The following CAPS2 variants were observed in gnomAD, a reference collection of about 807,000 sequenced individuals.
The protein encoded by CAPS2 is calcyphosin-2.
Under a neutral mutation model 86.5 loss-of-function variants are expected in CAPS2, and 98 were observed. That is an observed-to-expected ratio of 1.13 (90% CI 0.96 to 1.34). The LOEUF (loss-of-function observed/expected upper bound fraction) is 1.34, where lower values mean the gene tolerates loss of function less well. Ranked by LOEUF, CAPS2 falls within the 40% of genes most tolerant of loss-of-function variation. The pLI is 0.00. For synonymous variants in CAPS2, 210 were observed against 225.1 expected, an observed-to-expected ratio of 0.93 and a Z score of 0.60; for missense variants, 729 against 686.8, an observed-to-expected ratio of 1.06 and a Z score of -0.69.
rs2040614702 is a variant in CAPS2 at position 75,324,797 on chromosome 12, A to G, written c.131+442T>C. On this transcript the variant is annotated intron_variant, in intron 2 of 16. Coordinates refer to ENST00000393284, the Ensembl canonical transcript of CAPS2. ...AAATAACATGCAACATAAAACATAA[A>G]TTAATATACTCTAAACCAAAAATAA... 2.6e-5 allele frequency among the ~76,000 whole-genome samples: 4 copies of G among 152,096 alleles called. No homozygotes were observed. In the South Asian group the frequency reaches 8.3e-4, roughly 31 times the overall value.
chr12:75,378,772 A>C (rs536824672), intron 1 of CAPS2, among the ~76,000 whole-genome samples: 2 of 152,344 alleles, frequency 1.3e-5, no homozygotes, highest in Non-Finnish European at 2.9e-5. Flanking sequence ...TTACAGCAAC[A>C]TCTAGACTAG....
chr12:75,365,364 C>T (rs1292284146), intron 1 of CAPS2: 2 of 152,108 alleles, frequency 1.3e-5, no homozygotes, highest in Admixed American at 1.3e-4. Context: ...TTCATTAGAA[C>T]AGAAAAAGGA....
At chr12:75,295,601 T>C (rs1399963729) in intron 11 of CAPS2, among the ~76,000 whole-genome samples, 2 of 152,228 alleles carry the variant, frequency 1.3e-5, no homozygotes, top group Non-Finnish European at 2.9e-5. Context: ...ATTAAATACA[T>C]ATGTACTCAG....
At chr12:75,365,341 A>C (rs1434587497) in intron 1 of CAPS2, 2 of 152,318 alleles carry the variant, frequency 1.3e-5, no homozygotes, top group African/African-American at 2.4e-5. Context: ...GTTAGAACAG[A>C]AAAAGGAAAG....
chr12:75,291,824 C>T lies in CAPS2; in HGVS notation c.1164-4G>A, dbSNP rs774160887. The T allele has an allele frequency of 6.7e-7, 1 of 1,493,978 alleles. No individual in the cohort carries two copies. The highest frequency in any genetic ancestry group is 2.4e-5 in the East Asian group (1 of 42,342). 92.5% of individuals were successfully genotyped at this position (1,493,978 alleles called of 1,614,324 possible). A position where few individuals can be genotyped will look rare whatever the true frequency, so the allele number is the denominator to read the frequency against. On this transcript the variant is annotated splice_region_variant and splice_polypyrimidine_tract_variant and intron_variant, in intron 12 of 16. Coordinates refer to ENST00000393284, the Ensembl canonical transcript of CAPS2. ...CTCCTGTTCCATAGAAGCAGTTCTG[C>T]AATTGACATGTTCACAGGGATGAAA...
At chr12:75,375,557 C>A (rs539579502) in intron 1 of CAPS2, among the ~76,000 whole-genome samples, 8 of 152,242 alleles carry the variant, frequency 5.3e-5, no homozygotes, top group African/African-American at 9.6e-5. Context: ...AGGAGTTCTG[C>A]GTCTGAAAGT....
chr12:75,381,493 T>C (rs1306400217), intron 1 of CAPS2, among the ~76,000 whole-genome samples: 1 of 151,250 alleles, frequency 6.6e-6, no homozygotes, highest in Non-Finnish European at 1.5e-5. Context: ...AAAGAGTAGA[T>C]GCAGGATGAA....
intron 7 of CAPS2, among the ~76,000 whole-genome samples, chr12:75,312,548 T>C (rs2039340463): frequency 6.6e-6 from 1 of 152,196 alleles, no homozygotes; most frequent in Non-Finnish European, 1.5e-5. Flanking sequence ...AAAGTAAGGA[T>C]ATCTTCTTTC....
At chr12:75,294,626 T>G (rs556526999) in intron 11 of CAPS2, among the ~76,000 whole-genome samples, 1 of 152,222 alleles carries the variant, frequency 6.6e-6, no homozygotes, top group South Asian at 2.1e-4. Context: ...CCACCTCGGA[T>G]AAAGCCAATT....
At chr12:75,385,162 C>T (rs966884590) in intron 1 of CAPS2, among the ~76,000 whole-genome samples, 3 of 152,108 alleles carry the variant, frequency 2.0e-5, no homozygotes, top group Admixed American at 1.3e-4. Context: ...CCAAACGCAG[C>T]CCCTCAACCT....
chr12:75,334,668 T>C (rs2041586958), upstream of CAPS2: 1 of 1,561,528 alleles, frequency 6.4e-7, no homozygotes. Flanking sequence ...GGAAATCGGG[T>C]TGCCCCAGCC....
chr12:75,337,686 C>T (rs912953898), intron 1 of CAPS2, among the ~76,000 whole-genome samples: 7 of 151,836 alleles, frequency 4.6e-5, no homozygotes, highest in Non-Finnish European at 1.0e-4. Context: ...TTCATATATG[C>T]GTGCCATGTT....
At chr12:75,369,285 C>T (rs1218477869) in intron 1 of CAPS2, among the ~76,000 whole-genome samples, 1 of 151,764 alleles carries the variant, frequency 6.6e-6, no homozygotes, top group Non-Finnish European at 1.5e-5. Context: ...TAGCATTCAT[C>T]GCTGACATTA....
At chr12:75,348,761 C>T (rs1428325865) in intron 1 of CAPS2, among the ~76,000 whole-genome samples, 3 of 152,052 alleles carry the variant, frequency 2.0e-5, no homozygotes, top group Admixed American at 2.0e-4. Flanking sequence ...GTGGTAGGGA[C>T]CAATATACCC....
At chr12:75,340,589 T>C (rs1044381365) in intron 1 of CAPS2, among the ~76,000 whole-genome samples, 2 of 151,960 alleles carry the variant, frequency 1.3e-5, no homozygotes, top group Non-Finnish European at 2.9e-5. Flanking sequence ...AAATTTGACC[T>C]CATCAAAATA....
At chr12:75,300,372 G>A (rs1289013415) in intron 8 of CAPS2, among the ~76,000 whole-genome samples, 1 of 151,440 alleles carries the variant, frequency 6.6e-6, no homozygotes, top group Non-Finnish European at 1.5e-5. Flanking sequence ...TGGCTAACAC[G>A]GTGAAACCCC....
upstream of CAPS2, among the ~76,000 whole-genome samples, chr12:75,327,574 T>A (rs905875272): frequency 1.1e-4 from 17 of 151,924 alleles, no homozygotes; most frequent in Non-Finnish European, 2.1e-4. Context: ...TTCTGTTTTG[T>A]TTTTTAAAGG....
intron 1 of CAPS2, among the ~76,000 whole-genome samples, chr12:75,389,571 T>A (rs574373149): frequency 1.3e-5 from 2 of 152,348 alleles, no homozygotes; most frequent in South Asian, 4.1e-4. Flanking sequence ...AGTACCACCA[T>A]AATAAAAGAA....
chr12:75,288,766 G>A (rs2035337455), intron 14 of CAPS2, among the ~76,000 whole-genome samples: 1 of 152,032 alleles, frequency 6.6e-6, no homozygotes. Context: ...TCCATATGCT[G>A]GGTTCTATTT....
Sources: allele counts gnomAD v4.1 joint callset (sites outside exome capture counted in the v4.1 genomes callset), GRCh38; gene constraint gnomAD v4.1.1; transcripts MANE v1.5; gene names NCBI Gene and HGNC (gene_info 2026-07-23, HGNC 2026-07-21).